Variants in PPWD1 observed in about 807,000 individuals in gnomAD.
PPWD1 encodes peptidylprolyl isomerase domain and WD repeat-containing protein 1.
In PPWD1, 43 loss-of-function variants were observed where a neutral mutation model predicts 68.8. The observed-to-expected ratio is 0.62, with a 90% CI of 0.49 to 0.81. PPWD1 has a LOEUF of 0.81. PPWD1 is among the 30% of genes least tolerant of loss of function. The pLI is 0.00. For synonymous variants in PPWD1, 232 were observed against 258.7 expected, an observed-to-expected ratio of 0.90 and a Z score of 0.99; for missense variants, 672 against 804.8, an observed-to-expected ratio of 0.83 and a Z score of 2.00.
intron 9 of PPWD1, among the ~76,000 whole-genome samples, chr5:65,585,737 A>C (rs778068666): frequency 8.5e-5 from 13 of 152,180 alleles, no homozygotes; most frequent in Non-Finnish European, 1.9e-4. Flanking sequence ...TGATAGTATT[A>C]ACTGGCTTTA....
At chr5:65,563,797 C>G in intron 1 of PPWD1, 1 of 1,502,600 alleles carries the variant, frequency 6.7e-7, no homozygotes. Context: ...CATTTACTCC[C>G]CACAGCAGCC....
intron 1 of PPWD1, among the ~76,000 whole-genome samples, chr5:65,564,296 G>A (rs1430519470): frequency 6.8e-6 from 1 of 147,744 alleles, no homozygotes; most frequent in Non-Finnish European, 1.5e-5. Flanking sequence ...AAACTTCAAT[G>A]ATTTGTCATT....
At position 65,563,596 on chromosome 5, in the gene PPWD1, GGA is replaced by G. The variant is rs1280002408; in HGVS notation, c.196+92_196+93del. 7.5e-6 allele frequency: 11 copies of G among 1,466,370 alleles called. No individual in the cohort carries two copies. The African/African-American group carries it at 1.4e-4, about 19-fold the overall frequency. 90.8% of individuals were successfully genotyped at this position (1,466,370 alleles called of 1,614,324 possible). On this transcript the variant is annotated intron_variant, in intron 1 of 10. Coordinates refer to ENST00000261308, the MANE Select transcript of PPWD1 (RefSeq NM_015342.4). ...CCAGATCCGAAGAGGGATGATGTGT[GGA>G]GTTTTGTGCCCTCAGAACAGAGGGC...
rs1283520714 is a variant in PPWD1, at chr5:65,580,405, C to G, written c.1350+792C>G. Among the ~76,000 whole-genome samples, 4 of 152,196 alleles carry G rather than the reference C, an allele frequency of 2.6e-5. No individual in the cohort carries two copies. In the East Asian group the frequency reaches 7.7e-4, roughly 29 times the overall value. On this transcript the variant is annotated intron_variant, in intron 7 of 10. Coordinates refer to ENST00000261308, the MANE Select transcript of PPWD1 (RefSeq NM_015342.4). Reference sequence around the variant, plus strand: ...CTACACGAACCATACTGAAAGTTCACATGTAGTTGAGTGTGCTTTTTAAAC... The same window carrying G: ...CTACACGAACCATACTGAAAGTTCAGATGTAGTTGAGTGTGCTTTTTAAAC...
chr5:65,581,542 C>T (rs1312078206), intron 7 of PPWD1, among the ~76,000 whole-genome samples: 1 of 152,176 alleles, frequency 6.6e-6, no homozygotes, highest in African/African-American at 2.4e-5. Flanking sequence ...GCTATGATCA[C>T]ACCACTGCAC....
chr5:65,576,293 T>A (rs2150599781), intron 5 of PPWD1: 1 of 983,492 alleles, frequency 1.0e-6, no homozygotes, highest in Middle Eastern at 5.2e-4. Context: ...GCAGATGTAT[T>A]CTGTAGAGAA....
Position 65,573,474 on chromosome 5 carries a change from TA to T in PPWD1, c.969+1189del, listed in dbSNP as rs200528307. On this transcript the variant is annotated intron_variant, in intron 5 of 10. Transcript: ENST00000261308. ...CACTTAGCTAATATATATATATATA[TA>T]TTTTTTTTTTATTAGAGATGGGTTT... Among the ~76,000 whole-genome samples, 20 of 63,602 alleles carry T rather than the reference TA, an allele frequency of 3.1e-4. 1 individual carries two copies. The highest frequency in any genetic ancestry group is 4.6e-4 in the African/African-American group (6 of 13,070). 41.7% of individuals were successfully genotyped at this position (63,602 alleles called of 152,430 possible).
At chr5:65,568,331 A>G (rs1752866779) in intron 2 of PPWD1, among the ~76,000 whole-genome samples, 1 of 152,096 alleles carries the variant, frequency 6.6e-6, no homozygotes, top group African/African-American at 2.4e-5. Flanking sequence ...GCTTTTTCAT[A>G]AATTTTCTTA....
chr5:65,577,595 T>G (rs1753357623), intron 6 of PPWD1, among the ~76,000 whole-genome samples: 1 of 152,254 alleles, frequency 6.6e-6, no homozygotes, highest in African/African-American at 2.4e-5. Flanking sequence ...CATTTCCATG[T>G]ATAAACATAT....
intron 5 of PPWD1, among the ~76,000 whole-genome samples, chr5:65,575,930 G>T (rs928620380): frequency 1.3e-4 from 20 of 152,122 alleles, no homozygotes; most frequent in African/African-American, 4.6e-4. Flanking sequence ...GTTATGTCAG[G>T]CACGTAACCT....
chr5:65,582,887 A>G, intron 7 of PPWD1, 151 bp from the exon 8 acceptor site: 1 of 1,017,984 alleles, frequency 9.8e-7, no homozygotes, highest in South Asian at 2.5e-5. Context: ...ATTGCCTGAC[A>G]CATCCTGTAT....
chr5:65,573,481 T>TATATATATATATATATATATATAC (rs1304267719), intron 5 of PPWD1, among the ~76,000 whole-genome samples: 1 of 93,432 alleles, frequency 1.1e-5, no homozygotes, highest in African/African-American at 5.2e-5. Context: ...ATATATTTTT[T>TATATATATATATATATATATATAC]TTTTATTAGA....
At chr5:65,564,057 CTG>C (rs35326591) in intron 1 of PPWD1, 341,292 of 548,168 alleles carry the variant, frequency 0.62, 107,869 homozygotes, top group South Asian at 0.66. Context: ...AACCCGAAGT[CTG>C]TGGTTTTGAA....
chr5:65,578,664 T>G (rs1753424096), intron 6 of PPWD1, among the ~76,000 whole-genome samples: 1 of 150,596 alleles, frequency 6.6e-6, no homozygotes, highest in East Asian at 1.9e-4. Flanking sequence ...TGGGACATTT[T>G]TTAATTGGGT....
chr5:65,573,458 A>AAT (rs1241209299), intron 5 of PPWD1, among the ~76,000 whole-genome samples: 1,603 of 75,560 alleles, frequency 0.021, 48 homozygotes, highest in Middle Eastern at 0.056. Flanking sequence ...ACACTTAGCT[A>AAT]ATATATATAT....
chr5:65,567,838 C>A, intron 2 of PPWD1: 2 of 816,568 alleles, frequency 2.4e-6, no homozygotes, highest in Non-Finnish European at 3.2e-6. Context: ...AGATAAATGC[C>A]AAGAGGGGAG....
At chr5:65,563,782 C>G in intron 1 of PPWD1, 1 of 1,489,688 alleles carries the variant, frequency 6.7e-7, no homozygotes, top group Non-Finnish European at 9.0e-7. Flanking sequence ...GTGTTTGGCT[C>G]CTCTCATTTA....
chr5:65,565,868 AAAAC>A (rs1752728922), intron 1 of PPWD1, among the ~76,000 whole-genome samples: 1 of 152,146 alleles, frequency 6.6e-6, no homozygotes, highest in Admixed American at 6.5e-5. Context: ...TTGAAACTAA[AAAAC>A]ATACATAGAA....
At chr5:65,586,211 C>T (rs1158261323) in intron 10 of PPWD1, 30 bp downstream of exon 10, 2 of 1,585,948 alleles carry the variant, frequency 1.3e-6, no homozygotes, top group African/African-American at 1.3e-5. Context: ...TTATAAACTA[C>T]AGATTGATAG....
Sources: gnomAD v4.1 joint callset for allele counts (sites outside exome capture counted in the v4.1 genomes callset) on GRCh38, gnomAD v4.1.1 for gene constraint, MANE v1.5 for transcripts, NCBI Gene and HGNC (gene_info 2026-07-23, HGNC 2026-07-21) for gene names.